The following SLC5A10 variants were observed in gnomAD, a reference collection of about 807,000 sequenced individuals.
The protein encoded by SLC5A10 is sodium/mannose cotransporter SLC5A10.
SLC5A10 carries 55 observed loss-of-function variants against 68.9 expected under a neutral mutation model. The observed-to-expected ratio is 0.80, with a 90% CI of 0.64 to 1.00. The LOEUF is 1.00. SLC5A10 is among the 50% of genes least tolerant of loss of function. The pLI is 0.00. For synonymous variants in SLC5A10, 344 were observed against 344.8 expected, an observed-to-expected ratio of 1.00 and a Z score of 0.02; for missense variants, 732 against 819.3, an observed-to-expected ratio of 0.89 and a Z score of 1.30.
At chr17:18,995,911 T>TA (rs555014135) in intron 9 of SLC5A10, among the ~76,000 whole-genome samples, 10,344 of 125,280 alleles carry the variant, frequency 0.083, 647 homozygotes, top group South Asian at 0.33. Context: ...CTGTCTCAAT[T>TA]AAAAAAAAAA....
rs530610470 is a variant in SLC5A10, at chr17:18,979,252, C to T, written c.982+2263C>T. ...ATGTGGTGGTGCCCACAGAGCTGGCCCCATCCCTAAGGACGGCTCTCAGAG... is the reference window on the plus strand; with the variant it reads ...ATGTGGTGGTGCCCACAGAGCTGGCTCCATCCCTAAGGACGGCTCTCAGAG... On this transcript the variant is annotated intron_variant, in intron 9 of 14. Transcript: ENST00000395645. 6 of 482,498 alleles carry T rather than the reference C, an allele frequency of 1.2e-5. No individual in the cohort carries two copies. The South Asian group carries it at 1.5e-4, about 12-fold the overall frequency. 29.9% of individuals were successfully genotyped at this position (482,498 alleles called of 1,614,324 possible).
chr17:18,979,686 C>G lies in SLC5A10; in HGVS notation c.982+2697C>G. 2.5e-6 allele frequency: 4 copies of G among 1,612,802 alleles called. No homozygotes were observed. In the South Asian group the frequency reaches 3.3e-5, roughly 13 times the overall value. On this transcript the variant is annotated intron_variant, in intron 9 of 14. Coordinates refer to ENST00000395645, the MANE Select transcript of SLC5A10 (RefSeq NM_001042450.4). ...GCACTCTGAGATTCTGTTTTGGGAA[C>G]CAAGAGACAGAATTACACGACTGCA...
intron 9 of SLC5A10, among the ~76,000 whole-genome samples, chr17:18,982,762 G>A (rs1242386489): frequency 1.3e-5 from 2 of 152,224 alleles, no homozygotes; most frequent in African/African-American, 4.8e-5. Flanking sequence ...CGAGGCAGAG[G>A]GGGCTGAGCC....
At position 19,004,557 on chromosome 17, in the gene SLC5A10, G is replaced by T. The variant is rs961129732; in HGVS notation, c.983-8853G>T. The stretch of plus-strand genomic sequence containing the variant: ...CCGAGGGCTTCCGGGTAAGGGAGGG[G>T]TCTTAAAATTTCCGGGTGCCGGCAA... On this transcript the variant is annotated intron_variant, in intron 9 of 14. Coordinates refer to ENST00000395645, the MANE Select transcript of SLC5A10 (RefSeq NM_001042450.4). This position sits in a 1 kb window ranked among gnomAD's most constrained non-coding sequence, Gnocchi z 5.4. 5.9e-5 allele frequency among the ~76,000 whole-genome samples: 9 copies of T among 152,044 alleles called. No homozygotes were observed. Among genetic ancestry groups the T allele is most frequent in the African/African-American group, 1.9e-4 (8 of 41,414 alleles).
At chr17:18,965,996 C>A (rs531754998) in intron 5 of SLC5A10, among the ~76,000 whole-genome samples, 2 of 152,344 alleles carry the variant, frequency 1.3e-5, no homozygotes, top group East Asian at 3.9e-4. Flanking sequence ...CTGGGGGAGA[C>A]CTGAAAGACA....
intron 1 of SLC5A10, 88 bp downstream of exon 1, chr17:18,952,404 G>A (rs1597805074): frequency 6.8e-7 from 1 of 1,460,656 alleles, no homozygotes; most frequent in East Asian, 2.5e-5. Context: ...TCCCTGTGGT[G>A]TCAGCATTGG....
At chr17:18,952,454 C>T (rs2042387972) in intron 1 of SLC5A10, 138 bp downstream of exon 1, 1 of 1,066,234 alleles carries the variant, frequency 9.4e-7, no homozygotes, top group Non-Finnish European at 1.3e-6. Flanking sequence ...GTCCTCCTCC[C>T]AGCCTGGGGT....
intron 5 of SLC5A10, among the ~76,000 whole-genome samples, chr17:18,962,869 C>T (rs1444520511): frequency 6.6e-6 from 1 of 152,142 alleles, no homozygotes; most frequent in Non-Finnish European, 1.5e-5. Context: ...TGCAGTAGAG[C>T]TTATACCTCA....
Position 19,017,374 on chromosome 17 carries a change from C to A in SLC5A10, c.1242-2049C>A. ...CACCATTGGAGCGGTATCTCCTAGG[C>A]CTCGTGGTCATGGATCTCTGGTAGG... is the stretch of plus-strand genomic sequence containing the variant. On this transcript the variant is annotated intron_variant, in intron 11 of 14. Transcript: ENST00000395645. This position sits in a 1 kb window ranked among gnomAD's most constrained non-coding sequence, Gnocchi z 5.6. The A allele has an allele frequency of 6.4e-7, 1 of 1,551,842 alleles. No individual in the cohort carries two copies. Among genetic ancestry groups the A allele is most frequent in the Non-Finnish European group, 8.7e-7 (1 of 1,147,000 alleles).
chr17:18,978,600 T>G, intron 9 of SLC5A10: 1 of 1,613,164 alleles, frequency 6.2e-7, no homozygotes, highest in Middle Eastern at 1.6e-4. Flanking sequence ...TCGTCGACGC[T>G]CTTGGCCTTG....
chr17:18,965,086 T>A (rs1387950789), intron 5 of SLC5A10, among the ~76,000 whole-genome samples: 2 of 144,784 alleles, frequency 1.4e-5, no homozygotes, highest in African/African-American at 5.4e-5. Context: ...AGAGGTTTTT[T>A]TAAAAAAAAA....
chr17:18,974,718 G>A (rs1380171823), intron 8 of SLC5A10, among the ~76,000 whole-genome samples: 2 of 152,262 alleles, frequency 1.3e-5, no homozygotes, highest in South Asian at 2.1e-4. Context: ...GCCAGGGACA[G>A]GCTTGGCCGG....
chr17:19,000,105 C>A lies in SLC5A10; in HGVS notation c.983-13305C>A, dbSNP rs918623801. 5.9e-5 allele frequency among the ~76,000 whole-genome samples: 9 copies of A among 152,234 alleles called. No individual in the cohort carries two copies. Among genetic ancestry groups the A allele is most frequent in the Non-Finnish European group, 1.0e-4 (7 of 68,040 alleles). On this transcript the variant is annotated intron_variant, in intron 9 of 14. Transcript: ENST00000395645. This position sits in a 1 kb window ranked among gnomAD's most constrained non-coding sequence, Gnocchi z 5.2. ...CCAGGCGTGATCTTACAAGCCCGTC[C>A]TCTGGTATGTAGTTGGAACCCCACA...
rs748331993 is a variant in SLC5A10 at position 18,971,689 on chromosome 17, G to A, written c.846+471G>A. On this transcript the variant is annotated intron_variant, in intron 8 of 14. Coordinates refer to ENST00000395645, the MANE Select transcript of SLC5A10 (RefSeq NM_001042450.4). The surrounding 1 kb of genome is among the most constrained non-coding windows in gnomAD (Gnocchi z 5.5). ...CAGAGCGGTACCTAGGGGGTCCTGG[G>A]AAGCCGTCTTTATCCCTAGTCCCTG... The A allele has an allele frequency of 1.3e-5, 21 of 1,608,470 alleles. No individual in the cohort carries two copies. Among genetic ancestry groups the A allele is most frequent in the Middle Eastern group, 3.3e-4 (2 of 6,040 alleles).
intron 9 of SLC5A10, chr17:18,979,197 T>G (rs954169647): frequency 2.1e-6 from 1 of 466,276 alleles, no homozygotes; most frequent in East Asian, 3.9e-5. Context: ...AACCCCCATG[T>G]AACCATGGGC....
At position 19,009,376 on chromosome 17, in the gene SLC5A10, A is replaced by G. The variant is rs140027268; in HGVS notation, c.983-4034A>G. ...TAATTTTAATGTTTTTGGTAGAGAC[A>G]TGCTTTCGCCAGGCTTTGTTGTTTA... On this transcript the variant is annotated intron_variant, in intron 9 of 14. Coordinates refer to ENST00000395645, the MANE Select transcript of SLC5A10 (RefSeq NM_001042450.4). 1.4e-3 allele frequency among the ~76,000 whole-genome samples: 214 copies of G among 152,134 alleles called. No individual in the cohort carries two copies. In the Middle Eastern group the frequency reaches 0.038, roughly 27 times the overall value.
chr17:18,992,104 C>T lies in SLC5A10; in HGVS notation c.982+15115C>T, dbSNP rs79232034. 5.1e-3 allele frequency among the ~76,000 whole-genome samples: 772 copies of T among 152,290 alleles called. 8 individuals are homozygous for T. The highest frequency in any genetic ancestry group is 0.018 in the African/African-American group (737 of 41,566). ...GGGGCTCCTGGTGCCCAAACACCTC[C>T]GGCATGTCTGTCCAGGGGTGTCCAT... On this transcript the variant is annotated intron_variant, in intron 9 of 14. Coordinates refer to ENST00000395645, the MANE Select transcript of SLC5A10 (RefSeq NM_001042450.4).
chr17:19,016,365 C>T (rs143500634), intron 11 of SLC5A10, among the ~76,000 whole-genome samples: 42 of 152,288 alleles, frequency 2.8e-4, no homozygotes, highest in Non-Finnish European at 4.6e-4. Flanking sequence ...GCCTTTACAT[C>T]CTCAGAGGTT....
At chr17:18,964,157 C>T (rs998069487) in intron 5 of SLC5A10, among the ~76,000 whole-genome samples, 1 of 152,194 alleles carries the variant, frequency 6.6e-6, no homozygotes, top group Non-Finnish European at 1.5e-5. Flanking sequence ...CCCATGGACT[C>T]GGAACGCCTG....
Sources: gnomAD v4.1 joint callset for allele counts (sites outside exome capture counted in the v4.1 genomes callset) on GRCh38, gnomAD v4.1.1 for gene constraint, Gnocchi (gnomAD v3.1) non-coding constraint, MANE v1.5 for transcripts, NCBI Gene and HGNC (gene_info 2026-07-23, HGNC 2026-07-21) for gene names.